Variants in HEATR5B observed in about 807,000 individuals in gnomAD.
HEATR5B encodes the protein HEAT repeat containing 5B, also known as HEAT repeat-containing protein 5B.
A neutral mutation model predicts 224.1 loss-of-function variants in HEATR5B; 156 were observed. The ratio of observed to expected loss-of-function variants is 0.70; its 90% confidence interval spans 0.61 to 0.80. The LOEUF is 0.80. HEATR5B is among the 30% of genes least tolerant of loss of function. HEATR5B has a pLI of 0.00. For synonymous variants in HEATR5B, 1,027 were observed against 893.0 expected, an observed-to-expected ratio of 1.15 and a Z score of -2.68; for missense variants, 2,323 against 2,535.5, an observed-to-expected ratio of 0.92 and a Z score of 1.80.
At position 37,031,437 on chromosome 2, in the gene HEATR5B, T is replaced by TC. The variant is rs1553428854; in HGVS notation, c.3361+1191_3361+1192insG. ...TTTTTCTGTTTTTCTTTTCTTTCTT[T>TC]TTTTTTTTTTTTTTAAAGAGACAGG... On this transcript the variant is annotated intron_variant, in intron 22 of 35. Coordinates refer to ENST00000233099, the MANE Select transcript of HEATR5B (RefSeq NM_019024.3). 1.8e-4 allele frequency among the ~76,000 whole-genome samples: 27 copies of TC among 148,092 alleles called. No homozygotes were observed. In the South Asian group the frequency reaches 1.9e-3, roughly 11 times the overall value.
At position 37,005,763 on chromosome 2, in the gene HEATR5B, A is replaced by C; in HGVS notation, c.4778-4T>G. The C allele has an allele frequency of 6.4e-7, 1 of 1,563,578 alleles. No individual in the cohort carries two copies. The highest frequency in any genetic ancestry group is 8.6e-7 in the Non-Finnish European group (1 of 1,161,060). On this transcript the variant is annotated splice_polypyrimidine_tract_variant and splice_region_variant and intron_variant, in intron 29 of 35. Coordinates refer to ENST00000233099, the MANE Select transcript of HEATR5B (RefSeq NM_019024.3). ...CAAAGAAACTGTATACTCACACCTG[A>C]AATGCACAAAATAAAAACATGTTTT...
At chr2:37,020,511 G>T in intron 25 of HEATR5B, 144 bp downstream of exon 25, 2 of 515,768 alleles carry the variant, frequency 3.9e-6, no homozygotes, top group South Asian at 9.1e-5. Flanking sequence ...CTAAAACTAG[G>T]TAACAGACAA....
At chr2:37,057,602 T>A in intron 14 of HEATR5B, 122 bp from the exon 15 acceptor site, 1 of 588,188 alleles carries the variant, frequency 1.7e-6, no homozygotes, top group East Asian at 3.2e-5. Context: ...TGTTCTCTTC[T>A]TTAAAAAAAA....
chr2:37,032,861 C>T, intron 21 of HEATR5B, 88 bp from the exon 22 acceptor site: 5 of 980,416 alleles, frequency 5.1e-6, no homozygotes, highest in Non-Finnish European at 7.3e-6. Context: ...TATATACATA[C>T]ATACATATAT....
intron 5 of HEATR5B, among the ~76,000 whole-genome samples, chr2:37,073,176 G>C (rs1013135883): frequency 6.6e-6 from 1 of 152,102 alleles, no homozygotes; most frequent in African/African-American, 2.4e-5. Flanking sequence ...TATCCCTCAT[G>C]AACACAGATA....
chr2:37,048,099 A>C (rs1370058150), intron 18 of HEATR5B, among the ~76,000 whole-genome samples: 1 of 152,186 alleles, frequency 6.6e-6, no homozygotes, highest in Non-Finnish European at 1.5e-5. Context: ...CAAACAACTA[A>C]ATTGGACAGG....
At chr2:36,988,496 G>A (rs771330220) in intron 35 of HEATR5B, 150 bp downstream of exon 35, 7 of 604,226 alleles carry the variant, frequency 1.2e-5, no homozygotes, top group African/African-American at 1.9e-5. Context: ...TCCTGACCTC[G>A]TGATCCACCC....
At chr2:36,996,784 G>T (rs1422687597) in intron 33 of HEATR5B, among the ~76,000 whole-genome samples, 2 of 152,128 alleles carry the variant, frequency 1.3e-5, no homozygotes, top group Non-Finnish European at 1.5e-5. Context: ...TAGAGACAGG[G>T]TTTCTCCATG....
chr2:37,083,721 C>A (rs1672774319), intron 1 of HEATR5B, among the ~76,000 whole-genome samples: 1 of 152,166 alleles, frequency 6.6e-6, no homozygotes, highest in African/African-American at 2.4e-5. Flanking sequence ...TCCAGCAACA[C>A]ATATGTCATT....
At chr2:37,072,753 GA>G (rs535111624) in intron 5 of HEATR5B, among the ~76,000 whole-genome samples, 62 of 144,548 alleles carry the variant, frequency 4.3e-4, no homozygotes, top group Admixed American at 8.3e-4. Context: ...GGCTGATCAG[GA>G]AAAAAAAAAA....
At chr2:37,011,308 T>G (rs1356489286) in intron 27 of HEATR5B, among the ~76,000 whole-genome samples, 2 of 152,162 alleles carry the variant, frequency 1.3e-5, no homozygotes, top group Non-Finnish European at 2.9e-5. Flanking sequence ...AACAGGAAAC[T>G]GCATGGTAAT....
intron 33 of HEATR5B, among the ~76,000 whole-genome samples, chr2:36,998,997 G>C (rs560160624): frequency 1.3e-5 from 2 of 152,056 alleles, no homozygotes; most frequent in Non-Finnish European, 2.9e-5. Context: ...GGAGGATCAC[G>C]AGGTCAGGAG....
intron 33 of HEATR5B, among the ~76,000 whole-genome samples, chr2:36,996,354 C>T (rs1019324743): frequency 4.0e-5 from 6 of 151,672 alleles, no homozygotes; most frequent in South Asian, 2.1e-4. Flanking sequence ...CCAATGTGCT[C>T]GGCCCTGATT....
chr2:37,069,034 T>C (rs1671755269), intron 7 of HEATR5B, 104 bp from the exon 8 acceptor site: 1 of 1,204,948 alleles, frequency 8.3e-7, no homozygotes, highest in Non-Finnish European at 1.1e-6. Context: ...GCTGAATGAA[T>C]TGTATTTGAG....
chr2:37,014,953 G>A (rs1572808011), intron 26 of HEATR5B, among the ~76,000 whole-genome samples: 1 of 151,634 alleles, frequency 6.6e-6, no homozygotes, highest in South Asian at 2.1e-4. Flanking sequence ...CTCCAGCCAC[G>A]ACAGGGCGAG....
Position 36,989,040 on chromosome 2 carries a change from T to C in HEATR5B, c.5698-181A>G, listed in dbSNP as rs553321359. Among the ~76,000 whole-genome samples, 351 of 152,284 alleles carry C rather than the reference T, an allele frequency of 2.3e-3. 1 individual carries two copies. Among genetic ancestry groups the C allele is most frequent in the Non-Finnish European group, 4.0e-3 (270 of 68,016 alleles). On this transcript the variant is annotated intron_variant, in intron 34 of 35. Transcript: ENST00000233099. ...TTGTGACAAAAATTAGTCAAAAATG[T>C]TCATATATTTTAATGACCAAATCAC...
chr2:37,053,732 T>C, intron 16 of HEATR5B, 125 bp from the exon 17 acceptor site: 1 of 571,038 alleles, frequency 1.8e-6, no homozygotes, highest in Non-Finnish European at 3.2e-6. Flanking sequence ...TCTTTTCTAT[T>C]TCATTCCCAC....
chr2:37,017,790 A>C (rs1005923757), intron 26 of HEATR5B, among the ~76,000 whole-genome samples: 4 of 152,156 alleles, frequency 2.6e-5, no homozygotes, highest in Admixed American at 6.5e-5. Flanking sequence ...AATTAGTAAA[A>C]TAATATTCAG....
intron 21 of HEATR5B, among the ~76,000 whole-genome samples, chr2:37,034,695 C>G (rs1313823774): frequency 1.3e-5 from 2 of 150,522 alleles, no homozygotes; most frequent in African/African-American, 4.9e-5. Flanking sequence ...CAGCCTCAAC[C>G]TCTCGGGCTC....
Sources: allele counts gnomAD v4.1 joint callset (sites outside exome capture counted in the v4.1 genomes callset), GRCh38; gene constraint gnomAD v4.1.1; transcripts MANE v1.5; gene names NCBI Gene and HGNC (gene_info 2026-07-23, HGNC 2026-07-21).